PIWIL1: variants seen among roughly 807,000 people sequenced by gnomAD.
The protein encoded by PIWIL1 is piwi-like protein 1.
In PIWIL1, 73 loss-of-function variants were observed where a neutral mutation model predicts 114.4. The ratio of observed to expected loss-of-function variants is 0.64; its 90% CI spans 0.53 to 0.78. The LOEUF (loss-of-function observed/expected upper bound fraction) is 0.78. PIWIL1 is among the 30% of genes least tolerant of loss of function. PIWIL1 has a pLI of 0.00. For missense variants in PIWIL1, 723 were observed against 1,063.1 expected, an observed-to-expected ratio of 0.68 and a Z score of 4.45; for synonymous variants, 375 against 369.0, an observed-to-expected ratio of 1.02 and a Z score of -0.19.
the PIWIL1 span, chr12:130,425,458 A>G: frequency 0.27 from 40,942 of 152,314 alleles, 6,345 homozygotes; most frequent in East Asian, 0.64. Flanking sequence ...CCCCACCAAC[A>G]GCGCCCGCAC....
chr12:130,340,102 C>T (rs1392853420), intron 1 of PIWIL1, among the ~76,000 whole-genome samples: 2 of 152,190 alleles, frequency 1.3e-5, no homozygotes, highest in Admixed American at 6.5e-5. Context: ...GTGGTCACGC[C>T]GGGGAAACGG....
At chr12:130,377,213 C>T (rs370251558), downstream of PIWIL1, among the ~76,000 whole-genome samples, 367 of 152,300 alleles carry the variant, frequency 2.4e-3, 2 homozygotes, top group African/African-American at 8.5e-3. Flanking sequence ...TTCCCAGTTT[C>T]GATGATCCCC....
intron 11 of PIWIL1, among the ~76,000 whole-genome samples, chr12:130,355,323 G>A (rs768170974): frequency 9.2e-5 from 14 of 152,146 alleles, no homozygotes; most frequent in Admixed American, 5.2e-4. Flanking sequence ...TTCCTTTGAC[G>A]GGGAGAAAGT....
At chr12:130,340,875 T>C (rs1336081077) in intron 1 of PIWIL1, among the ~76,000 whole-genome samples, 2 of 152,202 alleles carry the variant, frequency 1.3e-5, no homozygotes, top group African/African-American at 4.8e-5. Context: ...GATTATCCTG[T>C]GTAAACTCCT....
intron 14 of PIWIL1, 76 bp from the exon 15 acceptor site, chr12:130,361,104 T>G (rs1257174589): frequency 1.6e-6 from 2 of 1,284,398 alleles, no homozygotes; most frequent in Non-Finnish European, 2.2e-6. Context: ...CACAGGTGAG[T>G]TTAGTTTCCT....
chr12:130,424,793 G>A, the PIWIL1 span: 37 of 1,232,828 alleles, frequency 3.0e-5, no homozygotes, highest in African/African-American at 6.2e-5. This position sits in a 1 kb window ranked among gnomAD's most constrained non-coding sequence, Gnocchi z 9.8. Flanking sequence ...TCTTCCTGTG[G>A]GGCTGGTGGG....
chr12:130,420,559 A>G, the PIWIL1 span, among the ~76,000 whole-genome samples: 1 of 152,242 alleles, frequency 6.6e-6, no homozygotes, highest in East Asian at 1.9e-4. This position sits in a 1 kb window ranked among gnomAD's most constrained non-coding sequence, Gnocchi z 4.3. Flanking sequence ...TGATACTAAT[A>G]AAACTTTAAA....
chr12:130,383,307 C>T, the PIWIL1 span: 5 of 152,146 alleles, frequency 3.3e-5, no homozygotes, highest in African/African-American at 7.2e-5. Flanking sequence ...ATTGAGGAGA[C>T]GTGTTCCCTA....
the PIWIL1 span, among the ~76,000 whole-genome samples, chr12:130,404,258 A>T: frequency 6.6e-6 from 1 of 152,240 alleles, no homozygotes; most frequent in South Asian, 2.1e-4. Context: ...AATATATGCT[A>T]GGGGGAAAAA....
At chr12:130,367,024 C>A in intron 18 of PIWIL1, 109 bp from the exon 19 acceptor site, 1 of 1,268,074 alleles carries the variant, frequency 7.9e-7, no homozygotes, top group Non-Finnish European at 1.1e-6. Context: ...GATGATACGC[C>A]CCAGGAGGGA....
chr12:130,345,917 C>T (rs773546660), intron 4 of PIWIL1, 39 bp downstream of exon 4: 4 of 1,606,566 alleles, frequency 2.5e-6, no homozygotes, highest in Non-Finnish European at 2.6e-6. Flanking sequence ...GATTACATCT[C>T]AGGAACACAG....
At chr12:130,390,836 G>A in the PIWIL1 span, among the ~76,000 whole-genome samples, 2 of 152,110 alleles carry the variant, frequency 1.3e-5, no homozygotes, top group Non-Finnish European at 2.9e-5. Flanking sequence ...CCATCACTGG[G>A]CTAGACGGTG....
At chr12:130,365,115 T>G (rs1015651761) in intron 18 of PIWIL1, among the ~76,000 whole-genome samples, 3 of 152,192 alleles carry the variant, frequency 2.0e-5, no homozygotes, top group Non-Finnish European at 4.4e-5. Flanking sequence ...GTGCAGCTGG[T>G]GGGTGCGCCT....
the PIWIL1 span, chr12:130,424,337 C>T: frequency 6.5e-6 from 8 of 1,231,962 alleles, no homozygotes; most frequent in Admixed American, 1.7e-4. This position sits in a 1 kb window ranked among gnomAD's most constrained non-coding sequence, Gnocchi z 9.8. Flanking sequence ...CACCAGGGCC[C>T]ACCTGCTCCC....
chr12:130,368,840 A>G (rs1055095739), intron 19 of PIWIL1, among the ~76,000 whole-genome samples: 1 of 152,054 alleles, frequency 6.6e-6, no homozygotes, highest in East Asian at 1.9e-4. Flanking sequence ...ATTAAAATGT[A>G]GCAACTGCTG....
At chr12:130,411,422 C>T in the PIWIL1 span, among the ~76,000 whole-genome samples, 333 of 152,292 alleles carry the variant, frequency 2.2e-3, 1 homozygote, top group Non-Finnish European at 3.0e-3. Context: ...ACATCCTTGT[C>T]TGTGCCTGGT....
At chr12:130,407,910 C>T in the PIWIL1 span, 1 of 1,273,718 alleles carries the variant, frequency 7.9e-7, no homozygotes, top group East Asian at 2.3e-5. Context: ...CCGGGTCACA[C>T]ATGGCCAATA....
rs1039563441 is a variant in PIWIL1, at chr12:130,361,692, C to T, written c.1970+91C>T. 17 of 974,630 alleles carry T rather than the reference C, an allele frequency of 1.7e-5. 1 individual carries two copies. In the Admixed American group the frequency reaches 2.4e-4, roughly 14 times the overall value. 60.4% of individuals were successfully genotyped at this position (974,630 alleles called of 1,614,324 possible). A position where few individuals can be genotyped will look rare whatever the true frequency, so the allele number is the denominator to read the frequency against. ...GTAGTGTTCATTCTTCGTTGTTATC[C>T]TTCCAGTTTCTCAATCATATACAGC... On this transcript the variant is annotated intron_variant, in intron 16 of 20. Transcript: ENST00000245255.
chr12:130,354,867 C>G (rs2073321981), intron 10 of PIWIL1, 21 bp from the exon 11 acceptor site: 1 of 1,538,288 alleles, frequency 6.5e-7, no homozygotes. Flanking sequence ...AACCATATGC[C>G]TTTAAATGTC....
Sources: gnomAD v4.1 joint callset for allele counts (sites outside exome capture counted in the v4.1 genomes callset) on GRCh38, gnomAD v4.1.1 for gene constraint, Gnocchi (gnomAD v3.1) non-coding constraint, MANE v1.5 for transcripts, NCBI Gene and HGNC (gene_info 2026-07-23, HGNC 2026-07-21) for gene names.